Variants in UBR4 observed in about 807,000 individuals in gnomAD.
The protein encoded by UBR4 is ubiquitin protein ligase E3 component n-recognin 4.
In UBR4, 124 loss-of-function variants were observed where a neutral mutation model predicts 575.6. The ratio of observed to expected loss-of-function variants is 0.22; its 90% CI spans 0.19 to 0.25. The LOEUF is 0.25. UBR4 is among the 10% of genes least tolerant of loss of function. The pLI is 1.00. For synonymous variants in UBR4, 2,455 were observed against 2,473.7 expected (o/e 0.99, Z 0.22); for missense variants, 4,818 against 6,478.8 (o/e 0.74, Z 8.80).
intron 101 of UBR4, among the ~76,000 whole-genome samples, chr1:19,085,415 G>A (rs2076919219): frequency 6.6e-6 from 1 of 152,240 alleles, no homozygotes; most frequent in South Asian, 2.1e-4. Flanking sequence ...CCAGCTACTT[G>A]GGAGGCTGAG....
chr1:19,141,098 A>T (rs1271983581), intron 57 of UBR4, among the ~76,000 whole-genome samples: 1 of 152,228 alleles, frequency 6.6e-6, no homozygotes, highest in Admixed American at 6.5e-5. Context: ...CAGGCAGGAC[A>T]CAGGCTGGAG....
chr1:19,080,399 A>T (rs1477061916), intron 103 of UBR4: 5 of 152,160 alleles, frequency 3.3e-5, no homozygotes, highest in Admixed American at 2.6e-4. Flanking sequence ...GGGCTAATGG[A>T]AATAAAGACA....
chr1:19,166,105 G>A (rs1300815343), intron 29 of UBR4, among the ~76,000 whole-genome samples: 1 of 152,196 alleles, frequency 6.6e-6, no homozygotes, highest in Non-Finnish European at 1.5e-5. Flanking sequence ...TTATTTATCT[G>A]TTAAAAAGAA....
Position 19,210,228 on chromosome 1 carries a change from T to C in UBR4, c.21A>G (p.Glu7=), listed in dbSNP as rs751337630. 6.3e-6 allele frequency: 9 copies of C among 1,430,434 alleles called. No individual in the cohort carries two copies. In the East Asian group the frequency reaches 2.3e-4, roughly 37 times the overall value. The allele number at this position is 1,430,434 out of a possible 1,614,324, so 88.6% of individuals were successfully genotyped here. MATSGG[E]EAAAAAPAPG... ...GCGCCGGAGCCGCTGCCGCCGCCTC[T>C]TCGCCGCCGCTCGTCGCCATCTTCC... is the stretch of plus-strand genomic sequence containing the variant. Residue 7 remains glutamate (E), a synonymous_variant, in exon 1 of 106, where the codon GAA becomes GAG. Transcript: ENST00000375254.
At chr1:19,164,672 G>A in intron 32 of UBR4, 127 bp downstream of exon 32, 1 of 1,297,714 alleles carries the variant, frequency 7.7e-7, no homozygotes. Context: ...GAATCCTTGA[G>A]TCTAGAGAGA....
chr1:19,185,990 C>T (rs1201486902), intron 14 of UBR4, among the ~76,000 whole-genome samples: 2 of 152,126 alleles, frequency 1.3e-5, no homozygotes, highest in Non-Finnish European at 2.9e-5. Flanking sequence ...AATCACAGGA[C>T]GGTAAGAATC....
At position 19,089,047 on chromosome 1, in the gene UBR4, A is replaced by T. The variant is rs1285269712; in HGVS notation, c.14212-70T>A. The T allele has an allele frequency of 9.2e-6, 14 of 1,519,486 alleles. No homozygotes were observed. The Admixed American group carries it at 9.5e-5, about 10-fold the overall frequency. 94.1% of individuals were successfully genotyped at this position (1,519,486 alleles called of 1,614,324 possible). ...ACAAACCTTCTTCCCGGGAGCTTAA[A>T]GGTTTAGAAACTCAACCAGCATGCA... On this transcript the variant is annotated intron_variant, in intron 97 of 105. Coordinates refer to ENST00000375254, the MANE Select transcript of UBR4 (RefSeq NM_020765.3). The surrounding 1 kb of genome is among the most constrained non-coding windows in gnomAD (Gnocchi z 4.3).
At chr1:19,081,867 A>G (rs968461204) in intron 102 of UBR4, 7 of 636,282 alleles carry the variant, frequency 1.1e-5, no homozygotes, top group African/African-American at 5.5e-5. Context: ...TGAGCACCAT[A>G]TATCAGGGAC....
intron 103 of UBR4, 67 bp from the exon 104 acceptor site, chr1:19,078,133 G>GA (rs2076138595): frequency 6.6e-7 from 1 of 1,515,538 alleles, no homozygotes; most frequent in Non-Finnish European, 9.1e-7. Flanking sequence ...ACAGAGCAAG[G>GA]CATGCTGGGA....
intron 105 of UBR4, among the ~76,000 whole-genome samples, 167 bp downstream of exon 105, chr1:19,076,573 G>A (rs180922811): frequency 1.4e-4 from 21 of 152,256 alleles, no homozygotes; most frequent in African/African-American, 4.6e-4. Flanking sequence ...TCTCGTTATC[G>A]GTGACTTGCT....
At chr1:19,131,257 A>AG (rs1460442428) in intron 60 of UBR4, among the ~76,000 whole-genome samples, 2 of 150,616 alleles carry the variant, frequency 1.3e-5, no homozygotes, top group African/African-American at 2.4e-5. Context: ...AAAAAAAAAA[A>AG]AAAAAAAAAA....
intron 65 of UBR4, among the ~76,000 whole-genome samples, chr1:19,124,111 C>T (rs6688770): frequency 0.18 from 28,081 of 152,170 alleles, 2,831 homozygotes; most frequent in African/African-American, 0.26. Context: ...GCATCACATC[C>T]CCTCAGGGAA....
At chr1:19,176,374 A>T (rs1325273616) in intron 20 of UBR4, among the ~76,000 whole-genome samples, 1 of 152,206 alleles carries the variant, frequency 6.6e-6, no homozygotes. Context: ...GATTACAGGC[A>T]TGAGCCACAG....
intron 60 of UBR4, among the ~76,000 whole-genome samples, chr1:19,133,773 C>G (rs1557721242): frequency 1.3e-5 from 2 of 150,038 alleles, no homozygotes; most frequent in Non-Finnish European, 3.0e-5. Context: ...TAGTGAGATG[C>G]TGTCTCAACA....
rs1329664714 is a variant in UBR4 at position 19,148,757 on chromosome 1, A to G, written c.7431-131T>C. ...GCCAAATACAAAATCAAAGCACAAT[A>G]AGACCTGCCACAGGCACCATGCATA... On this transcript the variant is annotated intron_variant, in intron 49 of 105. Transcript: ENST00000375254. The G allele has an allele frequency of 2.3e-4, 214 of 920,326 alleles. 2 individuals carry two copies. Among genetic ancestry groups the G allele is most frequent in the Non-Finnish European group, 6.2e-5 (37 of 595,802 alleles). The allele number at this position is 920,326 out of a possible 1,614,324, so 57.0% of individuals were successfully genotyped here. A position where few individuals can be genotyped will look rare whatever the true frequency, so the allele number is the denominator to read the frequency against.
intron 25 of UBR4, 129 bp from the exon 26 acceptor site, chr1:19,171,012 T>C (rs1292414061): frequency 4.8e-6 from 6 of 1,252,652 alleles, no homozygotes; most frequent in African/African-American, 1.5e-5. Flanking sequence ...TGATAGTGCC[T>C]GCCCCTTCCT....
At chr1:19,163,631 T>G in intron 34 of UBR4, 133 bp downstream of exon 34, 5 of 1,021,472 alleles carry the variant, frequency 4.9e-6, no homozygotes, top group Non-Finnish European at 7.7e-6. Context: ...TTCCAGTCTT[T>G]GAGATTATCA....
chr1:19,091,949 G>A (rs182521454), intron 97 of UBR4, among the ~76,000 whole-genome samples: 8 of 151,796 alleles, frequency 5.3e-5, no homozygotes, highest in Admixed American at 3.3e-4. Flanking sequence ...AAACAAACCT[G>A]GATGAAACTC....
chr1:19,192,028 C>T (rs2092125685), intron 11 of UBR4, among the ~76,000 whole-genome samples, 160 bp downstream of exon 11: 1 of 152,118 alleles, frequency 6.6e-6, no homozygotes. Flanking sequence ...CAAAGCTATG[C>T]TGTGGAGATA....
Sources: gnomAD v4.1 joint callset for allele counts (sites outside exome capture counted in the v4.1 genomes callset) on GRCh38, gnomAD v4.1.1 for gene constraint, Gnocchi (gnomAD v3.1) non-coding constraint, MANE v1.5 for transcripts, NCBI Gene and HGNC (gene_info 2026-07-23, HGNC 2026-07-21) for gene names.